MS4A6E: variants seen among roughly 807,000 people sequenced by gnomAD.
The protein encoded by MS4A6E is membrane spanning 4-domains A6E.
Under a neutral mutation model 13.2 loss-of-function variants are expected in MS4A6E, and 8 were observed. The ratio of observed to expected loss-of-function variants is 0.60; its 90% CI spans 0.35 to 1.09. The LOEUF (loss-of-function observed/expected upper bound fraction) is 1.09. Ranked by LOEUF, MS4A6E falls within the 50% of genes least tolerant of loss-of-function variation. The pLI, the probability that MS4A6E is intolerant of heterozygous loss-of-function variation, is 0.02. For missense variants in MS4A6E, 177 were observed against 171.1 expected (o/e 1.03, Z -0.19); for synonymous variants, 72 against 67.6 (o/e 1.06, Z -0.32).
rs1017988410 is a variant in MS4A6E at position 60,339,150 on chromosome 11, A to G, written c.355-716A>G. ...AATTACCTCCCTTTATTATCAGATG[A>G]CCAGTTCTGCACAAAGAATGTCTCA... On this transcript the variant is annotated intron_variant, in intron 3 of 4. Transcript: ENST00000684409. 2.0e-5 allele frequency among the ~76,000 whole-genome samples: 3 copies of G among 152,312 alleles called. No individual in the cohort carries two copies. The South Asian group carries it at 6.2e-4, about 32-fold the overall frequency.
At chr11:60,335,504 A>G (rs1398947473) in intron 2 of MS4A6E, 1 of 446,914 alleles carries the variant, frequency 2.2e-6, no homozygotes, top group Non-Finnish European at 4.5e-6. Context: ...TTTACCTTTT[A>G]TTTGTCTGTT....
chr11:60,337,961 A>T lies in MS4A6E; in HGVS notation c.354+14A>T. 1 of 1,607,680 alleles carries T rather than the reference A, an allele frequency of 6.2e-7. No individual in the cohort carries two copies. ...GCCAGTCTGGCTGTAAGTATTTTTT[A>T]GATGGGATGTTCTAATTTTATGAGG... On this transcript the variant is annotated intron_variant, in intron 3 of 4. Transcript: ENST00000684409.
chr11:60,336,504 C>T (rs996567588), intron 2 of MS4A6E, among the ~76,000 whole-genome samples: 1 of 152,128 alleles, frequency 6.6e-6, no homozygotes, highest in Non-Finnish European at 1.5e-5. Flanking sequence ...TCAGACTCAC[C>T]AGAGACATCG....
At chr11:60,348,336 G>C (rs189906812) in intron 4 of MS4A6E, among the ~76,000 whole-genome samples, 1 of 152,266 alleles carries the variant, frequency 6.6e-6, no homozygotes, top group Admixed American at 6.5e-5. Flanking sequence ...GAAATACCAC[G>C]TGCTTGCCAG....
downstream of MS4A6E, among the ~76,000 whole-genome samples, chr11:60,342,173 GTGTGTGAGAGAGAGAGAGA>G (rs2085230050): frequency 6.1e-5 from 2 of 32,808 alleles, no homozygotes; most frequent in Admixed American, 3.9e-4. Flanking sequence ...GTGTGTGTGT[GTGTGTGAGAGAGAGAGAGA>G]GAGAGAGAGG....
At position 60,330,070 on chromosome 11, in the gene MS4A6E, C is replaced by T. The variant is rs2085144585; in HGVS notation, c.-15+2662C>T. Among the ~76,000 whole-genome samples, 6 of 150,604 alleles carry T rather than the reference C, an allele frequency of 4.0e-5. No individual in the cohort carries two copies. The South Asian group carries it at 1.3e-3, about 32-fold the overall frequency. On this transcript the variant is annotated intron_variant, in intron 1 of 4. Transcript: ENST00000684409. ...TTGATCTCCTGACCTCATGATCCAT[C>T]CGTCTTGGCCTCCTAAAGTGCTGGG...
intron 4 of MS4A6E, among the ~76,000 whole-genome samples, chr11:60,347,248 C>T (rs73477059): frequency 0.03 from 4,606 of 152,212 alleles, 231 homozygotes; most frequent in African/African-American, 0.1. Context: ...ATGGAATTTC[C>T]TGACATGGCT....
rs139858885 is a variant in MS4A6E, at chr11:60,337,816, C to T, written c.223C>T (p.Pro75Ser). The T allele has an allele frequency of 9.9e-6, 16 of 1,614,074 alleles. No homozygotes were observed. In the African/African-American group the frequency reaches 2.0e-4, roughly 20 times the overall value. ...LVGFILLSVN[P>S]AALNPASLQC... Reference sequence around the variant, plus strand: ...GGGTTTCATTCTCCTGTCTGTCAACCCGGCTGCATTAAATCCTGCCTCATT... The same window carrying T: ...GGGTTTCATTCTCCTGTCTGTCAACTCGGCTGCATTAAATCCTGCCTCATT... The change falls in exon 3 of 5, where the codon CCG (proline) becomes TCG (serine). Residue 75 changes from proline (P) to serine (S), a missense_variant. Physicochemically the swap from Pro to Ser is moderately conservative, Grantham distance 74 (BLOSUM62 -1). Transcript: ENST00000684409.
chr11:60,340,542 T>C lies in MS4A6E; in HGVS notation c.*10-234T>C, dbSNP rs555491530. On this transcript the variant is annotated intron_variant, in intron 4 of 4. Coordinates refer to ENST00000684409, the MANE Select transcript of MS4A6E (RefSeq NM_139249.4). ...GGACTTATTGCTTTATTTAACTGAATTTAAAAGCCTTGATTTATCCAGAAT... is the reference window on the plus strand; with the variant it reads ...GGACTTATTGCTTTATTTAACTGAACTTAAAAGCCTTGATTTATCCAGAAT... 7.2e-5 allele frequency among the ~76,000 whole-genome samples: 11 copies of C among 152,390 alleles called. No homozygotes were observed. The South Asian group carries it at 8.3e-4, about 11-fold the overall frequency.
At chr11:60,349,016 A>C (rs1319949506) in intron 4 of MS4A6E, among the ~76,000 whole-genome samples, 1 of 152,150 alleles carries the variant, frequency 6.6e-6, no homozygotes, top group Non-Finnish European at 1.5e-5. Context: ...CAGAGTGAAG[A>C]GAATGGGGTG....
At chr11:60,347,466 T>C (rs1328916194) in intron 4 of MS4A6E, among the ~76,000 whole-genome samples, 1 of 151,844 alleles carries the variant, frequency 6.6e-6, no homozygotes, top group African/African-American at 2.4e-5. Context: ...CAATAGAATA[T>C]GAGATGCTTT....
chr11:60,328,597 T>C (rs6650185), intron 1 of MS4A6E, among the ~76,000 whole-genome samples: 5,432 of 152,128 alleles, frequency 0.036, 317 homozygotes, highest in African/African-American at 0.12. Flanking sequence ...TCTTGCCATT[T>C]GCCACAACAT....
At chr11:60,343,359 C>G (rs1269297506), downstream of MS4A6E, among the ~76,000 whole-genome samples, 1 of 151,980 alleles carries the variant, frequency 6.6e-6, no homozygotes. Context: ...GCATAAGTGT[C>G]CCCCAATTAT....
At chr11:60,341,655 T>C (rs2085226543), downstream of MS4A6E, among the ~76,000 whole-genome samples, 1 of 152,198 alleles carries the variant, frequency 6.6e-6, no homozygotes, top group African/African-American at 2.4e-5. Flanking sequence ...CTCCATTTCT[T>C]TGAAAGATTT....
chr11:60,343,804 G>T (rs776128145), downstream of MS4A6E, among the ~76,000 whole-genome samples: 1 of 152,174 alleles, frequency 6.6e-6, no homozygotes, highest in East Asian at 1.9e-4. Flanking sequence ...TGTCCAGGAC[G>T]TTCTTCTGGG....
chr11:60,348,544 A>G (rs2085265864), intron 4 of MS4A6E, among the ~76,000 whole-genome samples: 1 of 152,202 alleles, frequency 6.6e-6, no homozygotes. Context: ...TCGCAGATGG[A>G]AAAGGAGGAA....
chr11:60,337,668 T>A (rs1285387591), intron 2 of MS4A6E, 73 bp from the exon 3 acceptor site: 4 of 1,568,468 alleles, frequency 2.6e-6, no homozygotes. Context: ...TAACTTGCAA[T>A]GTAATGGCAA....
At chr11:60,331,017 T>C (rs1008774817) in intron 1 of MS4A6E, among the ~76,000 whole-genome samples, 13 of 152,196 alleles carry the variant, frequency 8.5e-5, no homozygotes, top group African/African-American at 3.1e-4. Flanking sequence ...TTGGTTACTG[T>C]AGCCTTGTAA....
downstream of MS4A6E, among the ~76,000 whole-genome samples, chr11:60,341,839 C>A (rs2085227797): frequency 6.6e-6 from 1 of 152,102 alleles, no homozygotes; most frequent in African/African-American, 2.4e-5. Context: ...GGTCTTCTCC[C>A]TGTCCTTTGC....
Sources: gnomAD v4.1 joint callset for allele counts (sites outside exome capture counted in the v4.1 genomes callset) on GRCh38, gnomAD v4.1.1 for gene constraint, MANE v1.5 for transcripts, NCBI Gene and HGNC (gene_info 2026-07-23, HGNC 2026-07-21) for gene names.